ARHGAP15: variants seen among roughly 807,000 people sequenced by gnomAD.
The protein encoded by ARHGAP15 is Rho GTPase activating protein 15.
A neutral mutation model predicts 63.7 loss-of-function variants in ARHGAP15; 51 were observed. The observed-to-expected ratio is 0.80, with a 90% confidence interval of 0.64 to 1.01. ARHGAP15 has a LOEUF of 1.01. Among genes scored for constraint, ARHGAP15 ranks in the 50% least tolerant of loss-of-function variants. The pLI, the probability that ARHGAP15 is intolerant of heterozygous loss-of-function variation, is 0.00. For missense variants in ARHGAP15, 560 were observed against 564.6 expected (o/e 0.99, Z 0.08); for synonymous variants, 191 against 193.8 (o/e 0.99, Z 0.12).
intron 11 of ARHGAP15, among the ~76,000 whole-genome samples, chr2:143,615,486 C>T (rs1199631102): frequency 1.3e-5 from 2 of 152,152 alleles, no homozygotes; most frequent in Non-Finnish European, 2.9e-5. Context: ...ACATTGGATG[C>T]TTTTCATATA....
intron 5 of ARHGAP15, chr2:143,236,133 C>A (rs750883239): frequency 1.3e-5 from 12 of 913,462 alleles, no homozygotes; most frequent in Non-Finnish European, 1.7e-5. Context: ...TAATTTTTTT[C>A]TTTTTGTTTT....
At chr2:143,158,626 A>G (rs922757864) in intron 2 of ARHGAP15, among the ~76,000 whole-genome samples, 6 of 152,072 alleles carry the variant, frequency 3.9e-5, no homozygotes, top group Middle Eastern at 3.4e-3. Context: ...GAGAGGGGGA[A>G]GTGGTTTGCA....
intron 6 of ARHGAP15, among the ~76,000 whole-genome samples, chr2:143,284,255 C>T (rs1028123152): frequency 6.6e-6 from 1 of 152,170 alleles, no homozygotes; most frequent in African/African-American, 2.4e-5. Context: ...GGACTTGGGG[C>T]CTTGGCCCTG....
chr2:143,234,761 T>G (rs1456620107), intron 5 of ARHGAP15, among the ~76,000 whole-genome samples: 1 of 152,176 alleles, frequency 6.6e-6, no homozygotes, highest in African/African-American at 2.4e-5. Flanking sequence ...TTATTCTGGG[T>G]TTGATTGACC....
At chr2:143,509,879 G>C (rs1693500109) in intron 9 of ARHGAP15, among the ~76,000 whole-genome samples, 2 of 151,900 alleles carry the variant, frequency 1.3e-5, no homozygotes, top group South Asian at 4.2e-4. Context: ...AAATTAGCTG[G>C]GTGTGCTGGC....
intron 12 of ARHGAP15, among the ~76,000 whole-genome samples, chr2:143,680,021 T>TAAAAAAAAAAAAAAAAAA (rs55927433): frequency 9.8e-6 from 1 of 101,626 alleles, no homozygotes; most frequent in African/African-American, 4.5e-5. Context: ...AGTAAATGAT[T>TAAAAAAAAAAAAAAAAAA]AAAAAAAAAA....
chr2:143,398,553 T>G (rs149588319), intron 6 of ARHGAP15, among the ~76,000 whole-genome samples: 1 of 152,218 alleles, frequency 6.6e-6, no homozygotes, highest in East Asian at 1.9e-4. Flanking sequence ...CACAGTGGAA[T>G]GGAAATAAGA....
intron 6 of ARHGAP15, among the ~76,000 whole-genome samples, chr2:143,322,863 G>A (rs573334282): frequency 6.6e-6 from 1 of 152,316 alleles, no homozygotes; most frequent in East Asian, 1.9e-4. Context: ...TTGTAAGTAA[G>A]CAACACTATT....
intron 1 of ARHGAP15, among the ~76,000 whole-genome samples, chr2:143,149,562 C>T (rs948127143): frequency 2.0e-5 from 3 of 151,788 alleles, no homozygotes; most frequent in African/African-American, 7.3e-5. Flanking sequence ...AGATACAGGG[C>T]TTTTGGGAAA....
At chr2:143,662,236 C>G (rs955388981) in intron 12 of ARHGAP15, among the ~76,000 whole-genome samples, 2 of 151,886 alleles carry the variant, frequency 1.3e-5, no homozygotes, top group African/African-American at 4.8e-5. Context: ...GGCAGACTGC[C>G]TCCTCAAGTG....
chr2:143,638,614 C>A (rs1483115015), intron 12 of ARHGAP15, among the ~76,000 whole-genome samples: 5 of 144,276 alleles, frequency 3.5e-5, no homozygotes, highest in Non-Finnish European at 4.5e-5. Context: ...AACTAACCTG[C>A]ACAATGTGCA....
At chr2:143,656,773 A>G (rs1414032251) in intron 12 of ARHGAP15, among the ~76,000 whole-genome samples, 1 of 152,184 alleles carries the variant, frequency 6.6e-6, no homozygotes, top group Non-Finnish European at 1.5e-5. Context: ...CCTTGGTGAG[A>G]AAACTGTGTT....
chr2:143,147,007 T>G (rs977886283), intron 1 of ARHGAP15, among the ~76,000 whole-genome samples: 1 of 152,120 alleles, frequency 6.6e-6, no homozygotes, highest in South Asian at 2.1e-4. Context: ...AAGATAGTGA[T>G]AGCCTGGCAT....
intron 11 of ARHGAP15, among the ~76,000 whole-genome samples, chr2:143,561,524 T>G (rs1342396973): frequency 6.7e-6 from 1 of 150,050 alleles, no homozygotes; most frequent in Non-Finnish European, 1.5e-5. Context: ...TCTTTTTTTT[T>G]TTTTTGAGAC....
chr2:143,513,111 G>T (rs1487110482), intron 9 of ARHGAP15, among the ~76,000 whole-genome samples: 1 of 152,178 alleles, frequency 6.6e-6, no homozygotes, highest in Non-Finnish European at 1.5e-5. Context: ...TTCAAGAGAG[G>T]CTATAAGTGA....
At chr2:143,450,940 C>T (rs1690377132) in intron 8 of ARHGAP15, among the ~76,000 whole-genome samples, 3 of 151,892 alleles carry the variant, frequency 2.0e-5, no homozygotes, top group African/African-American at 7.2e-5. Flanking sequence ...GGCTAATCCC[C>T]TTTCATAAAT....
At chr2:143,426,732 A>T (rs1454726311) in intron 6 of ARHGAP15, among the ~76,000 whole-genome samples, 1 of 152,108 alleles carries the variant, frequency 6.6e-6, no homozygotes, top group Non-Finnish European at 1.5e-5. Context: ...GATCACAGAG[A>T]ATCTATGTTG....
chr2:143,557,966 T>C (rs978892936), intron 11 of ARHGAP15, among the ~76,000 whole-genome samples: 7 of 152,080 alleles, frequency 4.6e-5, no homozygotes, highest in Admixed American at 2.0e-4. Flanking sequence ...CTCTGTTTCC[T>C]ATCAGGAAAA....
intron 6 of ARHGAP15, among the ~76,000 whole-genome samples, chr2:143,275,559 A>T (rs558072729): frequency 6.6e-6 from 1 of 152,280 alleles, no homozygotes; most frequent in Admixed American, 6.5e-5. Context: ...CGTATATGTG[A>T]GATTATTCTC....
Sources: allele counts gnomAD v4.1 joint callset (sites outside exome capture counted in the v4.1 genomes callset), GRCh38; gene constraint gnomAD v4.1.1; transcripts MANE v1.5; gene names NCBI Gene and HGNC (gene_info 2026-07-23, HGNC 2026-07-21).